Variants in ERBB4 observed in about 807,000 individuals in gnomAD.
ERBB4 encodes the protein erb-b2 receptor tyrosine kinase 4, also known as receptor tyrosine-protein kinase erbB-4.
In ERBB4, 42 loss-of-function variants were observed where a neutral mutation model predicts 158.0. That is an observed-to-expected ratio of 0.27 (90% CI 0.21 to 0.34). The LOEUF (loss-of-function observed/expected upper bound fraction) is 0.34, where lower values mean the gene tolerates loss of function less well. Ranked by LOEUF, ERBB4 falls within the 10% of genes least tolerant of loss-of-function variation. The pLI, the probability that ERBB4 is intolerant of heterozygous loss-of-function variation, is 1.00. For synonymous variants in ERBB4, 583 were observed against 558.7 expected (o/e 1.04, Z -0.61); for missense variants, 1,333 against 1,624.1 (o/e 0.82, Z 3.08).
chr2:211,732,461 G>T (rs1288345957), intron 5 of ERBB4, among the ~76,000 whole-genome samples: 9 of 151,852 alleles, frequency 5.9e-5, no homozygotes, highest in Non-Finnish European at 1.2e-4. Flanking sequence ...AATAAAATAC[G>T]ACTAATTTTC....
intron 19 of ERBB4, among the ~76,000 whole-genome samples, chr2:211,574,419 A>G (rs2067832072): frequency 6.6e-6 from 1 of 152,226 alleles, no homozygotes; most frequent in Admixed American, 6.5e-5. Flanking sequence ...AATCACAATA[A>G]CACTAATAAT....
chr2:211,393,833 G>T (rs926562173), intron 25 of ERBB4, among the ~76,000 whole-genome samples: 2 of 150,738 alleles, frequency 1.3e-5, no homozygotes, highest in African/African-American at 2.4e-5. Context: ...ATCATGTTGT[G>T]TATATATACA....
chr2:211,687,259 C>A (rs1243966426), intron 12 of ERBB4, among the ~76,000 whole-genome samples: 17 of 146,808 alleles, frequency 1.2e-4, no homozygotes, highest in African/African-American at 3.5e-4. Context: ...GAGCCGAGAT[C>A]GCACCACTGC....
chr2:212,087,128 G>A (rs1215428017), intron 2 of ERBB4, among the ~76,000 whole-genome samples: 2 of 151,582 alleles, frequency 1.3e-5, no homozygotes, highest in Non-Finnish European at 3.0e-5. Context: ...TGGAAAATGT[G>A]TCTATAAGCA....
At chr2:211,874,381 C>G (rs2106124922) in intron 3 of ERBB4, among the ~76,000 whole-genome samples, 1 of 152,252 alleles carries the variant, frequency 6.6e-6, no homozygotes. Context: ...ACCCTATCTA[C>G]TCTTGATCAT....
chr2:211,538,460 A>G (rs1224485862), intron 20 of ERBB4, among the ~76,000 whole-genome samples: 1 of 151,738 alleles, frequency 6.6e-6, no homozygotes, highest in Non-Finnish European at 1.5e-5. Context: ...CAACCCTTCA[A>G]TATTTTAAAG....
intron 25 of ERBB4, among the ~76,000 whole-genome samples, chr2:211,416,514 C>G (rs910464367): frequency 6.6e-6 from 1 of 152,148 alleles, no homozygotes; most frequent in East Asian, 1.9e-4. Flanking sequence ...GGGAAGCAAA[C>G]CTCCTTATCT....
intron 1 of ERBB4, among the ~76,000 whole-genome samples, chr2:212,362,299 T>C (rs2089717669): frequency 1.3e-5 from 2 of 151,410 alleles, no homozygotes; most frequent in Non-Finnish European, 3.0e-5. Flanking sequence ...TAAAAAGGAA[T>C]GGCCAAATTA....
At chr2:212,517,337 T>C (rs1425060615) in intron 1 of ERBB4, among the ~76,000 whole-genome samples, 1 of 152,108 alleles carries the variant, frequency 6.6e-6, no homozygotes, top group African/African-American at 2.4e-5. Flanking sequence ...GTATTTGTAA[T>C]GACTGCATCT....
chr2:212,057,426 G>A (rs1292599457), intron 2 of ERBB4, among the ~76,000 whole-genome samples: 2 of 152,102 alleles, frequency 1.3e-5, no homozygotes, highest in Admixed American at 6.5e-5. Context: ...TGCACCAAGT[G>A]GACCTAGTAG....
chr2:211,855,755 C>T (rs1361496415), intron 3 of ERBB4, among the ~76,000 whole-genome samples: 1 of 152,054 alleles, frequency 6.6e-6, no homozygotes, highest in Admixed American at 6.6e-5. Flanking sequence ...TGATCTTTTT[C>T]TTCAAGAATA....
intron 2 of ERBB4, among the ~76,000 whole-genome samples, chr2:212,077,286 T>C (rs183172924): frequency 7.9e-4 from 120 of 152,126 alleles, no homozygotes; most frequent in African/African-American, 2.8e-3. Flanking sequence ...CATAGATACA[T>C]ATCTTACAAG....
At chr2:211,774,244 C>T (rs1369577731) in intron 4 of ERBB4, among the ~76,000 whole-genome samples, 2 of 151,732 alleles carry the variant, frequency 1.3e-5, no homozygotes, top group African/African-American at 2.4e-5. Flanking sequence ...GACTAATTTT[C>T]GTATTTTTGT....
intron 19 of ERBB4, among the ~76,000 whole-genome samples, chr2:211,575,319 G>A (rs2067857305): frequency 6.6e-6 from 1 of 152,168 alleles, no homozygotes; most frequent in African/African-American, 2.4e-5. Flanking sequence ...TAGATCAAAT[G>A]AGCCCAACTT....
At chr2:211,795,888 A>G (rs185580557) in intron 3 of ERBB4, among the ~76,000 whole-genome samples, 1 of 152,078 alleles carries the variant, frequency 6.6e-6, no homozygotes, top group Admixed American at 6.6e-5. Context: ...AAATTTAGAA[A>G]GTGGTAATAG....
intron 1 of ERBB4, among the ~76,000 whole-genome samples, chr2:212,483,387 T>G (rs1689807124): frequency 6.6e-6 from 1 of 152,234 alleles, no homozygotes; most frequent in Non-Finnish European, 1.5e-5. Context: ...ATACTTCTTT[T>G]TATCTAAAGA....
intron 1 of ERBB4, among the ~76,000 whole-genome samples, chr2:212,148,413 T>C (rs923388972): frequency 6.6e-6 from 1 of 152,306 alleles, no homozygotes; most frequent in Admixed American, 6.5e-5. Flanking sequence ...ATTATTGTTT[T>C]CTGAATTCCT....
At chr2:212,141,452 C>G (rs547647474) in intron 1 of ERBB4, among the ~76,000 whole-genome samples, 1 of 152,064 alleles carries the variant, frequency 6.6e-6, no homozygotes, top group Admixed American at 6.6e-5. Context: ...CTTAGAAATA[C>G]AAATAGGCTT....
At chr2:212,075,856 A>G (rs1270836075) in intron 2 of ERBB4, among the ~76,000 whole-genome samples, 3 of 151,948 alleles carry the variant, frequency 2.0e-5, no homozygotes, top group African/African-American at 7.2e-5. Context: ...AAGCACAAAT[A>G]ATTCTCTTAT....
Sources: gnomAD v4.1 joint callset for allele counts (sites outside exome capture counted in the v4.1 genomes callset) on GRCh38, gnomAD v4.1.1 for gene constraint, MANE v1.5 for transcripts, NCBI Gene and HGNC (gene_info 2026-07-23, HGNC 2026-07-21) for gene names.